Variants in TOMM70 observed in about 807,000 individuals in gnomAD.
The protein encoded by TOMM70 is mitochondrial import receptor subunit TOM70.
TOMM70 carries 13 observed loss-of-function variants against 73.6 expected under a neutral mutation model. The observed-to-expected ratio is 0.18, with a 90% CI of 0.11 to 0.28. The LOEUF is 0.28. Ranked by LOEUF, TOMM70 falls within the 10% of genes least tolerant of loss-of-function variation. The pLI is 1.00. For synonymous variants in TOMM70, 257 were observed against 271.2 expected, an observed-to-expected ratio of 0.95 and a Z score of 0.51; for missense variants, 609 against 747.5, an observed-to-expected ratio of 0.81 and a Z score of 2.16.
At chr3:100,375,618 T>C (rs541653632) in intron 6 of TOMM70, among the ~76,000 whole-genome samples, 20 of 152,334 alleles carry the variant, frequency 1.3e-4, no homozygotes, top group African/African-American at 4.6e-4. Context: ...TGTACAGATA[T>C]CACATTTTAT....
intron 10 of TOMM70, 99 bp downstream of exon 10, chr3:100,368,939 T>A: frequency 1.2e-6 from 1 of 806,912 alleles, no homozygotes; most frequent in East Asian, 2.5e-5. Flanking sequence ...TCAATTAACT[T>A]CTCTACCACA....
rs1171469512 is a variant in TOMM70, at chr3:100,365,026, A to G, written c.*538T>C. 1 of 152,858 alleles carries G rather than the reference A, an allele frequency of 6.5e-6. No individual in the cohort carries two copies. 9.5% of individuals were successfully genotyped at this position (152,858 alleles called of 1,614,324 possible). Reference sequence around the variant, plus strand: ...TTTCTAAAACTGCAGAATCAGAGGCATTGTGCATGCTGACAATGGTTTAAA... The same window carrying G: ...TTTCTAAAACTGCAGAATCAGAGGCGTTGTGCATGCTGACAATGGTTTAAA... On this transcript the variant is annotated 3_prime_UTR_variant, in exon 12 of 12. Transcript: ENST00000284320.
intron 5 of TOMM70, 143 bp from the exon 6 acceptor site, chr3:100,378,055 GC>G (rs1559831892): frequency 6.4e-6 from 4 of 626,172 alleles, no homozygotes; most frequent in African/African-American, 1.8e-5. Context: ...GACCAGCCTG[GC>G]CAACATGGTG....
rs1706691689 is a variant in TOMM70 at position 100,386,313 on chromosome 3, G to C, written c.530C>G (p.Thr177Arg). Residue 177 changes from threonine (T) to arginine (R), a missense_variant, in exon 3 of 12, where the codon ACA becomes AGA. By Grantham distance (71) the Thr-to-Arg change is moderately conservative. Around this residue, in one of 2 missense-constraint regions of TOMM70, gnomAD observed 432 missense variants for 584.1 expected, o/e 0.74. Coordinates refer to ENST00000284320, the MANE Select transcript of TOMM70 (RefSeq NM_014820.5). ...QKWKEVAQDC[T>R]KAVELNPKYV... ...TTTGGGATTAAGTTCAACAGCTTTT[G>C]TACAGTCTTGTGCCACTTCTTTCCA... 1 of 1,612,666 alleles carries C rather than the reference G, an allele frequency of 6.2e-7. No individual in the cohort carries two copies. The highest frequency in any genetic ancestry group is 2.2e-5 in the East Asian group (1 of 44,748).
intron 1 of TOMM70, among the ~76,000 whole-genome samples, chr3:100,390,807 A>C (rs528732793): frequency 4.1e-4 from 60 of 146,606 alleles, no homozygotes; most frequent in African/African-American, 1.4e-3. Flanking sequence ...CCAGCCTGGG[A>C]AACAGAGGGA....
In TOMM70 at chr3:100,369,095, A is replaced by T. The variant is rs773297206; in HGVS notation, c.1493T>A (p.Met498Lys). 6.2e-7 allele frequency: 1 copy of T among 1,613,534 alleles called. No homozygotes were observed. The highest frequency in any genetic ancestry group is 1.1e-5 in the South Asian group (1 of 91,052). The change falls in exon 10 of 12, where the codon ATG (methionine) becomes AAG (lysine). Residue 498 changes from methionine (M) to lysine (K), a missense_variant. This residue lies in a region of TOMM70 where 432 missense variants were observed against 584.1 expected (regional missense o/e 0.74). Transcript: ENST00000284320. ...DQQQFGKADE[M>K]YDKCIDLEPD... ...TTCCAAATCAATACATTTATCATAC[A>T]TTTCATCAGCTTTACCAAACTGTTG...
intron 6 of TOMM70, 105 bp downstream of exon 6, chr3:100,377,599 GC>G: frequency 9.6e-7 from 1 of 1,039,464 alleles, no homozygotes; most frequent in Non-Finnish European, 1.4e-6. Flanking sequence ...AACAAAAACA[GC>G]CCTTTGAAGA....
At chr3:100,371,073 T>C (rs550249981) in intron 9 of TOMM70, among the ~76,000 whole-genome samples, 1 of 152,284 alleles carries the variant, frequency 6.6e-6, no homozygotes, top group East Asian at 1.9e-4. Flanking sequence ...TGTAGTTATA[T>C]ATAAGACCTA....
At chr3:100,373,465 G>C (rs1706532210) in intron 8 of TOMM70, 73 bp downstream of exon 8, 1 of 1,227,448 alleles carries the variant, frequency 8.1e-7, no homozygotes, top group Admixed American at 2.3e-5. Context: ...TGTAGACAAT[G>C]AGATACTCAT....
At chr3:100,390,764 G>A (rs774485007) in intron 1 of TOMM70, among the ~76,000 whole-genome samples, 2 of 151,972 alleles carry the variant, frequency 1.3e-5, no homozygotes, top group African/African-American at 4.8e-5. Context: ...GGGAGGCAGA[G>A]GTTGTAGTGA....
At chr3:100,381,844 A>T in intron 4 of TOMM70, 81 bp from the exon 5 acceptor site, 14 of 1,327,668 alleles carry the variant, frequency 1.1e-5, no homozygotes, top group Non-Finnish European at 1.4e-5. Context: ...CGCTAAGAAT[A>T]ACTGTCATAA....
intron 4 of TOMM70, among the ~76,000 whole-genome samples, chr3:100,384,220 G>A (rs551212246): frequency 6.6e-6 from 1 of 152,300 alleles, no homozygotes; most frequent in Non-Finnish European, 1.5e-5. Context: ...GACTGGATTT[G>A]GCCTATGGGC....
intron 1 of TOMM70, among the ~76,000 whole-genome samples, chr3:100,396,503 C>A (rs1271813000): frequency 2.0e-5 from 3 of 152,054 alleles, no homozygotes; most frequent in African/African-American, 7.2e-5. Flanking sequence ...TAGAAAATCA[C>A]AGGATGTTTG....
chr3:100,399,409 G>T (rs1025866217), intron 1 of TOMM70, among the ~76,000 whole-genome samples: 1 of 152,128 alleles, frequency 6.6e-6, no homozygotes, highest in Non-Finnish European at 1.5e-5. Context: ...AAAACTGGGA[G>T]ATATTTGACC....
intron 5 of TOMM70, among the ~76,000 whole-genome samples, chr3:100,379,470 C>CA (rs997963428): frequency 9.2e-5 from 14 of 151,492 alleles, no homozygotes; most frequent in African/African-American, 2.2e-4. Flanking sequence ...TAATTAAAAA[C>CA]AAAAAAAATT....
chr3:100,390,013 C>T (rs1335301777), intron 1 of TOMM70, among the ~76,000 whole-genome samples: 1 of 152,044 alleles, frequency 6.6e-6, no homozygotes, highest in Non-Finnish European at 1.5e-5. Flanking sequence ...GCACTCCAGC[C>T]TGGGAGACAG....
rs761300773 is a variant in TOMM70, at chr3:100,386,362, T to TA, written c.499-19dup. 10 of 1,587,116 alleles carry TA rather than the reference T, an allele frequency of 6.3e-6. No homozygotes were observed. Among genetic ancestry groups the TA allele is most frequent in the Admixed American group, 3.7e-5 (2 of 54,720 alleles). ...CATTTTTGCTGTAATTGAAAGTATT[T>TA]AAAAAAAGTCACACTAAAGAAAGTA... On this transcript the variant is annotated intron_variant, in intron 2 of 11. Coordinates refer to ENST00000284320, the MANE Select transcript of TOMM70 (RefSeq NM_014820.5).
At chr3:100,378,772 A>C (rs277632) in intron 5 of TOMM70, among the ~76,000 whole-genome samples, 44,065 of 152,004 alleles carry the variant, frequency 0.29, 10,746 homozygotes, top group East Asian at 0.66. Flanking sequence ...TTTGGGAGGC[A>C]GAGGTGGGCG....
chr3:100,369,599 C>T (rs1012710242), intron 9 of TOMM70, among the ~76,000 whole-genome samples: 8 of 150,806 alleles, frequency 5.3e-5, no homozygotes, highest in Non-Finnish European at 1.2e-4. Context: ...CTCTTGGGTT[C>T]AAGTGATCCC....
Sources: gnomAD v4.1 joint callset for allele counts (sites outside exome capture counted in the v4.1 genomes callset) on GRCh38, gnomAD v4.1.1 for gene constraint, gnomAD v4.1.1 regional missense constraint, MANE v1.5 for transcripts, NCBI Gene and HGNC (gene_info 2026-07-23, HGNC 2026-07-21) for gene names.